GLRA3: variants seen among roughly 807,000 people sequenced by gnomAD.
The protein encoded by GLRA3 is glycine receptor alpha 3.
A neutral mutation model predicts 60.4 loss-of-function variants in GLRA3; 44 were observed. The observed-to-expected ratio is 0.73, with a 90% CI of 0.57 to 0.94. The LOEUF (loss-of-function observed/expected upper bound fraction) is 0.94. GLRA3 is among the 40% of genes least tolerant of loss of function. The pLI is 0.00. For synonymous variants in GLRA3, 223 were observed against 192.9 expected (o/e 1.16, Z -1.29); for missense variants, 508 against 564.6 (o/e 0.90, Z 1.02).
At chr4:174,696,530 G>A (rs1222932016) in intron 5 of GLRA3, among the ~76,000 whole-genome samples, 1 of 149,802 alleles carries the variant, frequency 6.7e-6, no homozygotes, top group East Asian at 1.9e-4. Context: ...TATATTAAAG[G>A]TTTAAACAGG....
intron 3 of GLRA3, among the ~76,000 whole-genome samples, chr4:174,755,767 T>C (rs1327774424): frequency 6.6e-6 from 1 of 152,096 alleles, no homozygotes; most frequent in East Asian, 1.9e-4. Flanking sequence ...TATAGTAATT[T>C]CTGCAGAAAG....
intron 5 of GLRA3, among the ~76,000 whole-genome samples, chr4:174,698,637 C>T (rs1227789954): frequency 6.6e-6 from 1 of 152,056 alleles, no homozygotes; most frequent in African/African-American, 2.4e-5. Flanking sequence ...TTGCTGGAAG[C>T]ATTTGAAGAG....
intron 3 of GLRA3, among the ~76,000 whole-genome samples, chr4:174,764,900 A>G (rs576676702): frequency 1.3e-5 from 2 of 152,078 alleles, no homozygotes; most frequent in South Asian, 4.1e-4. Context: ...AATGGAAATG[A>G]TATATGTTTA....
Position 174,705,729 on chromosome 4 carries a change from G to A in GLRA3, c.574+9759C>T, listed in dbSNP as rs185487160. Among the ~76,000 whole-genome samples, 352 of 108,064 alleles carry A rather than the reference G, an allele frequency of 3.3e-3. 26 individuals are homozygous for A. The highest frequency in any genetic ancestry group is 0.01 in the African/African-American group (337 of 32,706). The allele number at this position is 108,064 out of a possible 152,430, so 70.9% of individuals were successfully genotyped here. A position where few individuals can be genotyped will look rare whatever the true frequency, so the allele number is the denominator to read the frequency against. On this transcript the variant is annotated intron_variant, in intron 5 of 9. Transcript: ENST00000274093. ...AAATATGACCAAATTATTGACTGTC[G>A]TTAAGAGAAACAAAGAGATCACTGT...
intron 3 of GLRA3, among the ~76,000 whole-genome samples, chr4:174,757,444 G>T (rs1272093391): frequency 6.6e-6 from 1 of 152,062 alleles, no homozygotes; most frequent in East Asian, 1.9e-4. Context: ...TATGGTTGGG[G>T]TGGGAAAAAT....
chr4:174,697,259 AG>A (rs1166486870), intron 5 of GLRA3, among the ~76,000 whole-genome samples: 2 of 152,224 alleles, frequency 1.3e-5, no homozygotes, highest in Non-Finnish European at 2.9e-5. Flanking sequence ...TATTTGGTCC[AG>A]CTATCTCAAA....
intron 5 of GLRA3, among the ~76,000 whole-genome samples, chr4:174,698,766 TA>T (rs1481254058): frequency 6.6e-6 from 1 of 152,106 alleles, no homozygotes. Flanking sequence ...TAAGGTGAGA[TA>T]AAAAATGTCT....
intron 9 of GLRA3, among the ~76,000 whole-genome samples, chr4:174,646,783 G>GT (rs1247477895): frequency 6.6e-6 from 1 of 152,144 alleles, no homozygotes; most frequent in Non-Finnish European, 1.5e-5. Flanking sequence ...TGAACATAAG[G>GT]TTAGATTAAA....
At chr4:174,781,998 G>A (rs1386056743) in intron 2 of GLRA3, among the ~76,000 whole-genome samples, 1 of 149,844 alleles carries the variant, frequency 6.7e-6, no homozygotes, top group Non-Finnish European at 1.5e-5. Context: ...ACCAAAGCCG[G>A]GCAGAGACAC....
At chr4:174,766,118 T>C (rs558746438) in intron 3 of GLRA3, among the ~76,000 whole-genome samples, 9 of 152,110 alleles carry the variant, frequency 5.9e-5, no homozygotes, top group Non-Finnish European at 1.2e-4. Context: ...AAATAGAACA[T>C]AATTCTCTAA....
intron 7 of GLRA3, among the ~76,000 whole-genome samples, chr4:174,673,537 C>G (rs1733988367): frequency 6.6e-6 from 1 of 152,008 alleles, no homozygotes; most frequent in Admixed American, 6.6e-5. Context: ...ACCAAACTGT[C>G]TAATATATTC....
chr4:174,709,756 C>A (rs752872579), intron 5 of GLRA3, among the ~76,000 whole-genome samples: 2 of 151,944 alleles, frequency 1.3e-5, no homozygotes, highest in East Asian at 3.9e-4. Flanking sequence ...AACATATAAA[C>A]GGGGCCACAT....
intron 5 of GLRA3, among the ~76,000 whole-genome samples, chr4:174,690,240 C>T (rs1011731262): frequency 6.6e-6 from 1 of 152,174 alleles, no homozygotes; most frequent in African/African-American, 2.4e-5. Flanking sequence ...ATTTTCAAAA[C>T]TACCTTTACC....
At chr4:174,809,101 T>C (rs926068802) in intron 1 of GLRA3, among the ~76,000 whole-genome samples, 5 of 152,204 alleles carry the variant, frequency 3.3e-5, no homozygotes, top group Admixed American at 3.3e-4. Flanking sequence ...TCGTAAGTGC[T>C]CTATACAGGC....
intron 7 of GLRA3, among the ~76,000 whole-genome samples, chr4:174,672,407 C>T (rs893798951): frequency 6.6e-6 from 1 of 152,086 alleles, no homozygotes; most frequent in Non-Finnish European, 1.5e-5. Flanking sequence ...CAAGTCTTCC[C>T]TGTGGGTGGA....
At chr4:174,773,212 T>C (rs1218511508) in intron 2 of GLRA3, among the ~76,000 whole-genome samples, 1 of 152,116 alleles carries the variant, frequency 6.6e-6, no homozygotes, top group Non-Finnish European at 1.5e-5. Context: ...AGCATCCATA[T>C]GGCAAATTGT....
intron 2 of GLRA3, among the ~76,000 whole-genome samples, chr4:174,785,946 T>A (rs987205124): frequency 1.4e-5 from 2 of 147,350 alleles, no homozygotes; most frequent in South Asian, 2.2e-4. Context: ...GTTTTTTTTT[T>A]TTTTTTTTTT....
At chr4:174,804,019 G>A (rs1358400953) in intron 1 of GLRA3, among the ~76,000 whole-genome samples, 2 of 152,066 alleles carry the variant, frequency 1.3e-5, no homozygotes, top group Non-Finnish European at 2.9e-5. Flanking sequence ...TAGCCCAACT[G>A]CTGAATGGAT....
intron 7 of GLRA3, among the ~76,000 whole-genome samples, chr4:174,673,909 G>T (rs1734004437): frequency 1.3e-5 from 2 of 152,010 alleles, no homozygotes; most frequent in South Asian, 4.2e-4. Context: ...TGCTACCCTT[G>T]ACTCCTGCAT....
Sources: allele counts gnomAD v4.1 joint callset (sites outside exome capture counted in the v4.1 genomes callset), GRCh38; gene constraint gnomAD v4.1.1; transcripts MANE v1.5; gene names NCBI Gene and HGNC (gene_info 2026-07-23, HGNC 2026-07-21).